RGS5: variants seen among roughly 807,000 people sequenced by gnomAD.
The protein encoded by RGS5 is regulator of G protein signaling 5.
Under a neutral mutation model 18.9 loss-of-function variants are expected in RGS5, and 20 were observed. The observed-to-expected ratio is 1.06, with a 90% CI of 0.74 to 1.54. The LOEUF is 1.54. Ranked by LOEUF, RGS5 falls within the 40% of genes most tolerant of loss-of-function variation. The pLI, the probability that RGS5 is intolerant of heterozygous loss-of-function variation, is 0.00. For missense variants in RGS5, 201 were observed against 211.8 expected (o/e 0.95, Z 0.32); for synonymous variants, 57 against 76.2 (o/e 0.75, Z 1.31).
intron 2 of RGS5, among the ~76,000 whole-genome samples, chr1:163,235,776 T>G (rs866106577): frequency 6.6e-6 from 1 of 152,230 alleles, no homozygotes; most frequent in African/African-American, 2.4e-5. Context: ...CTCTCTTACT[T>G]CTTAAAACTT....
In RGS5 at chr1:163,146,735, A is replaced by G. The variant is rs1657143523; in HGVS notation, c.*607T>C. The G allele has an allele frequency of 6.6e-6, 1 of 152,182 alleles. No homozygotes were observed. Among genetic ancestry groups the G allele is most frequent in the Admixed American group, 6.5e-5 (1 of 15,270 alleles). 9.4% of individuals were successfully genotyped at this position (152,182 alleles called of 1,614,324 possible). A position where few individuals can be genotyped will look rare whatever the true frequency, so the allele number is the denominator to read the frequency against. ...GATTGATTTTGTATAAACATAATAT[A>G]TTCATGGTTGTATCTCTTATTTATA... On this transcript the variant is annotated 3_prime_UTR_variant, in exon 5 of 5. Transcript: ENST00000313961.
chr1:163,268,990 G>T (rs1008094448), intron 2 of RGS5, among the ~76,000 whole-genome samples: 2 of 152,110 alleles, frequency 1.3e-5, no homozygotes, highest in African/African-American at 4.8e-5. Flanking sequence ...AGAGACTCCA[G>T]ATCGCTAGAC....
At chr1:163,215,871 C>T (rs1279936237) in intron 1 of RGS5, among the ~76,000 whole-genome samples, 1 of 151,518 alleles carries the variant, frequency 6.6e-6, no homozygotes, top group Non-Finnish European at 1.5e-5. Flanking sequence ...TTGAGAACAG[C>T]CTGGGAAACA....
chr1:163,187,512 C>T (rs546201147), intron 1 of RGS5, among the ~76,000 whole-genome samples: 43 of 152,256 alleles, frequency 2.8e-4, no homozygotes, highest in African/African-American at 1.0e-3. Context: ...TCTTCTCCCA[C>T]CTTTGTGATT....
intron 2 of RGS5, among the ~76,000 whole-genome samples, chr1:163,251,875 T>C (rs1007431797): frequency 6.6e-6 from 1 of 152,202 alleles, no homozygotes; most frequent in Non-Finnish European, 1.5e-5. Flanking sequence ...GTGCTATGTA[T>C]ATACCACCAT....
At chr1:163,240,602 A>G (rs1232642390) in intron 2 of RGS5, among the ~76,000 whole-genome samples, 3 of 152,188 alleles carry the variant, frequency 2.0e-5, no homozygotes, top group Non-Finnish European at 4.4e-5. Flanking sequence ...CTGCAGCCTC[A>G]AACTCTAGGG....
intron 1 of RGS5, among the ~76,000 whole-genome samples, chr1:163,174,418 A>T (rs2102408127): frequency 6.6e-6 from 1 of 152,322 alleles, no homozygotes; most frequent in Admixed American, 6.5e-5. Flanking sequence ...TGAGCAAATG[A>T]ATGAATGAAC....
At chr1:163,165,877 GC>G (rs1426166033) in intron 2 of RGS5, among the ~76,000 whole-genome samples, 1 of 150,158 alleles carries the variant, frequency 6.7e-6, no homozygotes, top group Non-Finnish European at 1.5e-5. Context: ...TTGCACTCCA[GC>G]CTGGGCAAAA....
At chr1:163,206,005 A>G (rs1475764079), upstream of RGS5, among the ~76,000 whole-genome samples, 1 of 152,218 alleles carries the variant, frequency 6.6e-6, no homozygotes, top group Non-Finnish European at 1.5e-5. Flanking sequence ...TGGAGTAAAC[A>G]GAGGCAAGGT....
chr1:163,296,169 C>T (rs1260182590), intron 2 of RGS5, among the ~76,000 whole-genome samples: 4 of 152,094 alleles, frequency 2.6e-5, no homozygotes, highest in African/African-American at 9.7e-5. Flanking sequence ...TGACAGTAGA[C>T]TTATTTTGTA....
At chr1:163,193,676 G>A (rs1196118832) in intron 1 of RGS5, among the ~76,000 whole-genome samples, 2 of 152,040 alleles carry the variant, frequency 1.3e-5, no homozygotes, top group East Asian at 1.9e-4. Context: ...GCATATACAC[G>A]CCTGACATGG....
In RGS5 at chr1:163,171,345, C is replaced by T. The variant is rs947627470; in HGVS notation, c.45-2977G>A. 3.9e-5 allele frequency among the ~76,000 whole-genome samples: 6 copies of T among 152,224 alleles called. 1 individual carries two copies. The East Asian group carries it at 5.8e-4, about 15-fold the overall frequency. The stretch of plus-strand genomic sequence containing the variant: ...CTAGGACACAGTATCCCACCCAGTC[C>T]GTGAAAACCTTCATCCATAATCCAT... On this transcript the variant is annotated intron_variant, in intron 1 of 4. Transcript: ENST00000313961.
At chr1:163,267,671 G>T (rs1648603874) in intron 2 of RGS5, among the ~76,000 whole-genome samples, 1 of 152,108 alleles carries the variant, frequency 6.6e-6, no homozygotes, top group Non-Finnish European at 1.5e-5. Context: ...ATACAGCCAG[G>T]TTAGTGTCAT....
chr1:163,246,098 T>C (rs957752594), intron 2 of RGS5, among the ~76,000 whole-genome samples: 8 of 151,834 alleles, frequency 5.3e-5, no homozygotes, highest in Non-Finnish European at 7.4e-5. Context: ...GCACCTGCAG[T>C]CCCAGCTACT....
At chr1:163,250,063 T>G (rs1230699499) in intron 2 of RGS5, among the ~76,000 whole-genome samples, 1 of 152,166 alleles carries the variant, frequency 6.6e-6, no homozygotes, top group African/African-American at 2.4e-5. Context: ...TCATTTAACT[T>G]AATACCACCT....
chr1:163,271,429 T>C (rs190528331), intron 2 of RGS5, among the ~76,000 whole-genome samples: 1 of 152,250 alleles, frequency 6.6e-6, no homozygotes, highest in Admixed American at 6.5e-5. Context: ...GTCTCTGCCA[T>C]GTAAGGATAC....
intron 2 of RGS5, among the ~76,000 whole-genome samples, chr1:163,291,725 A>G (rs902053567): frequency 1.1e-4 from 17 of 152,006 alleles, no homozygotes; most frequent in Non-Finnish European, 2.4e-4. Context: ...CTATGATTTC[A>G]TCTCTGACCC....
At chr1:163,243,471 C>A (rs530431370) in intron 2 of RGS5, among the ~76,000 whole-genome samples, 1 of 151,794 alleles carries the variant, frequency 6.6e-6, no homozygotes, top group African/African-American at 2.4e-5. Flanking sequence ...CACAGTGAAA[C>A]CCTGTCTCTA....
At chr1:163,162,268 T>G (rs1217400705) in intron 2 of RGS5, among the ~76,000 whole-genome samples, 1 of 152,210 alleles carries the variant, frequency 6.6e-6, no homozygotes, top group Non-Finnish European at 1.5e-5. Flanking sequence ...GATAGTCTTA[T>G]GTATCCCATG....
Sources: gnomAD v4.1 joint callset for allele counts (sites outside exome capture counted in the v4.1 genomes callset) on GRCh38, gnomAD v4.1.1 for gene constraint, MANE v1.5 for transcripts, NCBI Gene and HGNC (gene_info 2026-07-23, HGNC 2026-07-21) for gene names.